SPG7: variants seen among roughly 807,000 people sequenced by gnomAD.
SPG7 encodes the protein mitochondrial inner membrane m-AAA protease component paraplegin.
Under a neutral mutation model 81.9 loss-of-function variants are expected in SPG7, and 103 were observed. The ratio of observed to expected loss-of-function variants is 1.26; its 90% confidence interval spans 1.07 to 1.48. The LOEUF is 1.48. Among genes scored for constraint, SPG7 ranks in the 40% most tolerant of loss-of-function variants. The pLI, the probability that SPG7 is intolerant of heterozygous loss-of-function variation, is 0.00. For synonymous variants in SPG7, 534 were observed against 444.2 expected, an observed-to-expected ratio of 1.20 and a Z score of -2.54; for missense variants, 1,241 against 1,087.3, an observed-to-expected ratio of 1.14 and a Z score of -1.99.
At chr16:89,544,361 C>G in intron 9 of SPG7, 1 of 409,986 alleles carries the variant, frequency 2.4e-6, no homozygotes, top group South Asian at 2.1e-5. Context: ...CCAGATGGCA[C>G]CGTGAGGCAG....
chr16:89,511,384 T>C (rs1276493166), intron 2 of SPG7, among the ~76,000 whole-genome samples: 22 of 152,252 alleles, frequency 1.4e-4, no homozygotes, highest in Admixed American at 1.4e-3. Flanking sequence ...ACCTGAAGGA[T>C]TGACACCTCT....
At chr16:89,554,701 G>C (rs745442345) in intron 16 of SPG7, 138 bp downstream of exon 16, 14 of 683,806 alleles carry the variant, frequency 2.0e-5, no homozygotes, top group Admixed American at 6.3e-5. Flanking sequence ...ATTCTACCCA[G>C]CTCAACTGAA....
chr16:89,557,166 C>T lies in SPG7; in HGVS notation c.*73C>T. 3 of 1,194,690 alleles carry T rather than the reference C, an allele frequency of 2.5e-6. No homozygotes were observed. Among genetic ancestry groups the T allele is most frequent in the South Asian group, 2.5e-5 (2 of 79,808 alleles). The allele number at this position is 1,194,690 out of a possible 1,614,324, so 74.0% of individuals were successfully genotyped here. The stretch of plus-strand genomic sequence containing the variant: ...CACTCAGCCACCCTGAGTTGCTTTT[C>T]AGCTGAGGTTTGCACTTCCTCTCGC... On this transcript the variant is annotated 3_prime_UTR_variant, in exon 17 of 17. Coordinates refer to ENST00000645818, the MANE Select transcript of SPG7 (RefSeq NM_003119.4).
At chr16:89,512,707 C>T (rs2058038391) in intron 2 of SPG7, among the ~76,000 whole-genome samples, 1 of 152,164 alleles carries the variant, frequency 6.6e-6, no homozygotes, top group African/African-American at 2.4e-5. Context: ...CTCACATTAG[C>T]AATTTAAGTA....
intron 4 of SPG7, among the ~76,000 whole-genome samples, chr16:89,525,632 GA>G (rs1312258658): frequency 1.3e-5 from 2 of 152,154 alleles, no homozygotes; most frequent in African/African-American, 4.8e-5. Context: ...GCTGAAATCT[GA>G]GCTAAACATG....
chr16:89,528,603 C>CA lies in SPG7; in HGVS notation c.759-874_759-873insA, dbSNP rs1555612169. On this transcript the variant is annotated intron_variant, in intron 5 of 16. Transcript: ENST00000645818. Reference sequence around the variant, plus strand: ...ATGAGGGCAAAAGTCCTGGGATTTGCTTTTTTTTTTTTTTTTTTTTGGAGT... The same window carrying CA: ...ATGAGGGCAAAAGTCCTGGGATTTGCATTTTTTTTTTTTTTTTTTTTGGAGT... 820 of 113,500 alleles carry CA rather than the reference C, an allele frequency of 7.2e-3. 52 individuals carry two copies. Among genetic ancestry groups the CA allele is most frequent in the Middle Eastern group, 0.02 (4 of 196 alleles). 7.0% of individuals were successfully genotyped at this position (113,500 alleles called of 1,614,324 possible). A position where few individuals can be genotyped will look rare whatever the true frequency, so the allele number is the denominator to read the frequency against.
chr16:89,552,367 T>G (rs1188000088), intron 13 of SPG7: 1 of 157,806 alleles, frequency 6.3e-6, no homozygotes, highest in East Asian at 1.9e-4. Flanking sequence ...AGCCTAGTTT[T>G]AGATTTTAAA....
chr16:89,516,858 C>G (rs1216321269), intron 3 of SPG7: 2 of 149,910 alleles, frequency 1.3e-5, no homozygotes, highest in Middle Eastern at 3.2e-3. Context: ...CAGCAAGACT[C>G]TGTCTCAAAA....
intron 9 of SPG7, chr16:89,543,214 TG>T (rs2058520117): frequency 6.6e-6 from 1 of 152,180 alleles, no homozygotes; most frequent in African/African-American, 2.4e-5. Flanking sequence ...CCCAAAGTGC[TG>T]GGATTACAGG....
chr16:89,517,629 T>A (rs1438667268), intron 3 of SPG7: 1 of 151,222 alleles, frequency 6.6e-6, no homozygotes. Flanking sequence ...TTTTTTTTTT[T>A]TTTTTTTGAG....
chr16:89,526,381 A>G lies in SPG7; in HGVS notation c.671A>G (p.Glu224Gly). 4 of 1,614,164 alleles carry G rather than the reference A, an allele frequency of 2.5e-6. No individual in the cohort carries two copies. Among genetic ancestry groups the G allele is most frequent in the Non-Finnish European group, 2.5e-6 (3 of 1,180,034 alleles). Residue 224 changes from glutamate to glycine, a missense_variant, in exon 5 of 17, where the codon GAG (glutamate) becomes GGG (glycine). Glu to Gly is a moderately conservative substitution (Grantham distance 98). Coordinates refer to ENST00000645818, the MANE Select transcript of SPG7 (RefSeq NM_003119.4). ...GTTGCAAATATTGACAAGTTTGAAGAGAAGCTTCGAGCAGCTGAAGATGAG... is the reference window on the plus strand; with the variant it reads ...GTTGCAAATATTGACAAGTTTGAAGGGAAGCTTCGAGCAGCTGAAGATGAG... ...MQVANIDKFE[E>G]KLRAAEDELN...
At chr16:89,530,018 T>C in intron 6 of SPG7, 1 of 306,868 alleles carries the variant, frequency 3.3e-6, no homozygotes. Flanking sequence ...TTTGTATTTT[T>C]GGTAGAGACG....
chr16:89,522,873 A>C (rs1195770438), intron 3 of SPG7: 3 of 152,628 alleles, frequency 2.0e-5, no homozygotes, highest in African/African-American at 7.2e-5. Context: ...TGCCCTCCTC[A>C]GAGGCGTCTC....
In SPG7 at chr16:89,557,341, T is replaced by G. The variant is rs2058697663; in HGVS notation, c.*248T>G. On this transcript the variant is annotated 3_prime_UTR_variant, in exon 17 of 17. Coordinates refer to ENST00000645818, the MANE Select transcript of SPG7 (RefSeq NM_003119.4). ...GGGAAGGTTATCAGTGCTTCCCGAG[T>G]GAGCATGGAACACTTCGAGTTCCCA... 1.8e-6 allele frequency: 1 copy of G among 542,580 alleles called. No individual in the cohort carries two copies. Among genetic ancestry groups the G allele is most frequent in the Non-Finnish European group, 3.3e-6 (1 of 300,966 alleles). The allele number at this position is 542,580 out of a possible 1,614,324, so 33.6% of individuals were successfully genotyped here.
Position 89,553,149 on chromosome 16 carries a change from G to A in SPG7, c.1936+14G>A. On this transcript the variant is annotated intron_variant, in intron 14 of 16. Coordinates refer to ENST00000645818, the MANE Select transcript of SPG7 (RefSeq NM_003119.4). The stretch of plus-strand genomic sequence containing the variant: ...AGGTCACTTCTGGTGAGGAGCAGCG[G>A]CGCGGGCCCTGGAGGTTTCAGAGCG... 1 of 1,590,356 alleles carries A rather than the reference G, an allele frequency of 6.3e-7. No individual in the cohort carries two copies. Among genetic ancestry groups the A allele is most frequent in the African/African-American group, 1.3e-5 (1 of 74,380 alleles).
chr16:89,529,964 C>T (rs142968504), intron 6 of SPG7: 4 of 321,940 alleles, frequency 1.2e-5, no homozygotes, highest in East Asian at 8.0e-5. Context: ...CTCAGCTTCC[C>T]GAGTAGCTGG....
intron 1 of SPG7, among the ~76,000 whole-genome samples, chr16:89,509,821 C>T (rs1307525457): frequency 8.9e-5 from 12 of 134,244 alleles, no homozygotes; most frequent in Non-Finnish European, 1.2e-4. Context: ...GACAATCTCG[C>T]TGTGTCGCCC....
rs4188 is a variant in SPG7 at position 89,557,585 on chromosome 16, G to C, written c.*492G>C. The stretch of plus-strand genomic sequence containing the variant: ...TCCAGCTCACTCATCAATGGGGCCA[G>C]TCAGGCCCAGGCACTGGGCTCCGGA... On this transcript the variant is annotated 3_prime_UTR_variant, in exon 17 of 17. Transcript: ENST00000645818. 4.5e-5 allele frequency: 8 copies of C among 178,166 alleles called. No homozygotes were observed. The highest frequency in any genetic ancestry group is 1.3e-4 in the African/African-American group (5 of 38,986). The allele number at this position is 178,166 out of a possible 1,614,324, so 11.0% of individuals were successfully genotyped here.
chr16:89,514,777 C>T (rs1489365754), intron 3 of SPG7, among the ~76,000 whole-genome samples: 2 of 151,512 alleles, frequency 1.3e-5, no homozygotes, highest in African/African-American at 4.9e-5. Flanking sequence ...GGATTACAGG[C>T]GTGAGCCACC....
Sources: allele counts gnomAD v4.1 joint callset (sites outside exome capture counted in the v4.1 genomes callset), GRCh38; gene constraint gnomAD v4.1.1; transcripts MANE v1.5; gene names NCBI Gene and HGNC (gene_info 2026-07-23, HGNC 2026-07-21).